Variants in NFE2L1 observed in about 807,000 individuals in gnomAD.
The protein encoded by NFE2L1 is endoplasmic reticulum membrane sensor NFE2L1.
A neutral mutation model predicts 61.6 loss-of-function variants in NFE2L1; 18 were observed. The observed-to-expected ratio is 0.29, with a 90% CI of 0.20 to 0.43. NFE2L1 has a LOEUF of 0.43. NFE2L1 is among the 20% of genes least tolerant of loss of function. The pLI, the probability that NFE2L1 is intolerant of heterozygous loss-of-function variation, is 1.00. For synonymous variants in NFE2L1, 419 were observed against 402.7 expected, an observed-to-expected ratio of 1.04 and a Z score of -0.48; for missense variants, 827 against 973.5, an observed-to-expected ratio of 0.85 and a Z score of 2.00.
At position 48,059,752 on chromosome 17, in the gene NFE2L1, A is replaced by G; in HGVS notation, c.*111A>G. 4 of 1,407,924 alleles carry G rather than the reference A, an allele frequency of 2.8e-6. No homozygotes were observed. Among genetic ancestry groups the G allele is most frequent in the South Asian group, 1.5e-5 (1 of 67,184 alleles). 87.2% of individuals were successfully genotyped at this position (1,407,924 alleles called of 1,614,324 possible). ...GGACTTAAATGCCTTCTTATCCAAT[A>G]TATCTTCTCAGATGGGATGACTGCG... On this transcript the variant is annotated 3_prime_UTR_variant, in exon 6 of 6. Coordinates refer to ENST00000362042, the MANE Select transcript of NFE2L1 (RefSeq NM_003204.3). The surrounding 1 kb of genome is among the most constrained non-coding windows in gnomAD (Gnocchi z 6.1).
chr17:48,049,220 C>G (rs2037178840), intron 1 of NFE2L1: 1 of 152,216 alleles, frequency 6.6e-6, no homozygotes, highest in African/African-American at 2.4e-5. Context: ...AACAGATTTA[C>G]TTCCTCTGCA....
At position 48,061,539 on chromosome 17, in the gene NFE2L1, C is replaced by T. The variant is rs1440467791; in HGVS notation, c.*1898C>T. On this transcript the variant is annotated 3_prime_UTR_variant, in exon 6 of 6. Transcript: ENST00000362042. ...AAATTGAGAATAAAGGAAATGGACT[C>T]ATTGTAGGGAGGACTGGCCATTGCG... 6.6e-6 allele frequency: 1 copy of T among 152,158 alleles called. No homozygotes were observed. The highest frequency in any genetic ancestry group is 1.5e-5 in the Non-Finnish European group (1 of 68,040). 9.4% of individuals were successfully genotyped at this position (152,158 alleles called of 1,614,324 possible). A position where few individuals can be genotyped will look rare whatever the true frequency, so the allele number is the denominator to read the frequency against.
Position 48,056,369 on chromosome 17 carries a change from T to C in NFE2L1, c.511-17T>C, listed in dbSNP as rs2037401359. On this transcript the variant is annotated splice_polypyrimidine_tract_variant and intron_variant, in intron 2 of 5. Coordinates refer to ENST00000362042, the MANE Select transcript of NFE2L1 (RefSeq NM_003204.3). The stretch of plus-strand genomic sequence containing the variant: ...CCTTGGGATCTTAGAGCTAAAGTCA[T>C]GTGATCTGTCTTTCAGGACATAGAT... 1.1e-5 allele frequency: 18 copies of C among 1,613,696 alleles called. No individual in the cohort carries two copies. The highest frequency in any genetic ancestry group is 1.4e-5 in the Non-Finnish European group (17 of 1,179,716).
intron 2 of NFE2L1, chr17:48,055,089 T>A (rs1598286307): frequency 6.8e-7 from 1 of 1,462,074 alleles, no homozygotes; most frequent in Non-Finnish European, 9.0e-7. Context: ...CTTAACTCTT[T>A]GCTGGCTGGT....
chr17:48,055,190 G>A (rs1174894403), intron 2 of NFE2L1: 2 of 1,308,628 alleles, frequency 1.5e-6, no homozygotes, highest in South Asian at 4.1e-5. Context: ...ACGTCTGGGA[G>A]GTCTTAGGGT....
intron 3 of NFE2L1, 72 bp downstream of exon 3, chr17:48,056,670 T>G: frequency 1.3e-6 from 2 of 1,542,060 alleles, no homozygotes; most frequent in South Asian, 2.3e-5. Flanking sequence ...CTGGAGTTCT[T>G]CCAGAAACTT....
rs577125198 is a variant in NFE2L1, at chr17:48,056,603, C to A, written c.723+5C>A. 28 of 1,612,238 alleles carry A rather than the reference C, an allele frequency of 1.7e-5. No individual in the cohort carries two copies. Among genetic ancestry groups the A allele is most frequent in the Non-Finnish European group, 2.4e-5 (28 of 1,179,712 alleles). On this transcript the variant is annotated splice_donor_5th_base_variant and intron_variant, in intron 3 of 5. Transcript: ENST00000362042. ...GGGGAGAGCTTCCCTGCACAGGTACCATCGCCCCTGCTCACTGGGCTCTCT... is the reference window on the plus strand; with the variant it reads ...GGGGAGAGCTTCCCTGCACAGGTACAATCGCCCCTGCTCACTGGGCTCTCT...
At position 48,051,229 on chromosome 17, in the gene NFE2L1, C is replaced by T. The variant is rs1329137610; in HGVS notation, c.111C>T (p.Pro37=). The T allele has an allele frequency of 6.2e-6, 10 of 1,614,064 alleles. No individual in the cohort carries two copies. In the African/African-American group the frequency reaches 1.2e-4, roughly 19 times the overall value. The change falls in exon 2 of 6, where the codon CCC becomes CCT. Residue 37 remains proline (P), a synonymous_variant. Coordinates refer to ENST00000362042, the MANE Select transcript of NFE2L1 (RefSeq NM_003204.3). ...ATACTTACCTGACCTCACAGCTTCCCCCACTCCGGGAGATCATCCTGGGGC... is the reference window on the plus strand; with the variant it reads ...ATACTTACCTGACCTCACAGCTTCCTCCACTCCGGGAGATCATCCTGGGGC... The part of the protein sequence containing the change: ...DVDTYLTSQL[P]PLREIILGPS...
chr17:48,059,467 G>A lies in NFE2L1; in HGVS notation c.2145G>A (p.Gln715=). The A allele has an allele frequency of 1.2e-6, 2 of 1,614,192 alleles. No individual in the cohort carries two copies. The highest frequency in any genetic ancestry group is 1.3e-5 in the African/African-American group (1 of 75,066). The part of the protein sequence containing the change: ...RSLRQMKQKV[Q]SLYQEVFGRL... ...TGCGACAGATGAAGCAGAAGGTCCA[G>A]AGCCTGTACCAGGAGGTGTTTGGGC... Residue 715 remains glutamine, a synonymous_variant, in exon 6 of 6, where the codon CAG becomes CAA. Transcript: ENST00000362042. The surrounding 1 kb of genome is among the most constrained non-coding windows in gnomAD (Gnocchi z 6.1).
chr17:48,058,823 T>G lies in NFE2L1; in HGVS notation c.1501T>G (p.Ser501Ala), dbSNP rs759442964. 5.0e-6 allele frequency: 8 copies of G among 1,613,998 alleles called. No individual in the cohort carries two copies. Among genetic ancestry groups the G allele is most frequent in the Non-Finnish European group, 5.1e-6 (6 of 1,180,002 alleles). ...SSSEGSSSSS[S>A]SSSSSSSSAS... ...CTCTGAAGGCAGTTCTTCCTCTTCT[T>G]CCTCCTCCTCTTCCTCTTCTTCCTC... The change falls in exon 6 of 6, where the codon TCC becomes GCC. Residue 501 changes from serine (S) to alanine (A), a missense_variant. Physicochemically the swap from Ser to Ala is moderately conservative, Grantham distance 99 (BLOSUM62 1). Coordinates refer to ENST00000362042, the MANE Select transcript of NFE2L1 (RefSeq NM_003204.3).
chr17:48,053,218 A>AT (rs1177748714), intron 2 of NFE2L1, among the ~76,000 whole-genome samples: 4 of 151,870 alleles, frequency 2.6e-5, no homozygotes, highest in African/African-American at 9.7e-5. Flanking sequence ...TATTTTGGAT[A>AT]TTATTGGGTG....
Position 48,058,411 on chromosome 17 carries a change from G to T in NFE2L1, c.1089G>T (p.Leu363=), listed in dbSNP as rs907725077. ...CTCCCATCAATCAGAATGTCAGCCT[G>T]CATCAGGCGTCCCTGGGGGGCTGCA... ...PNTPINQNVS[L]HQASLGGCSQ... The change falls in exon 6 of 6, where the codon CTG becomes CTT. Residue 363 remains leucine, a synonymous_variant. Coordinates refer to ENST00000362042, the MANE Select transcript of NFE2L1 (RefSeq NM_003204.3). The T allele has an allele frequency of 1.3e-5, 21 of 1,614,088 alleles. No homozygotes were observed. The highest frequency in any genetic ancestry group is 1.8e-5 in the Non-Finnish European group (21 of 1,180,056).
At chr17:48,053,171 G>A (rs1427625664) in intron 2 of NFE2L1, among the ~76,000 whole-genome samples, 2 of 152,158 alleles carry the variant, frequency 1.3e-5, no homozygotes, top group South Asian at 2.1e-4. Flanking sequence ...ACCCTGCAGG[G>A]TAGCTGCATA....
At chr17:48,054,971 C>T (rs2037356942) in intron 2 of NFE2L1, 2 of 1,481,520 alleles carry the variant, frequency 1.3e-6, no homozygotes, top group African/African-American at 1.4e-5. Flanking sequence ...TTGCAGCCCC[C>T]TGTCCGGCTT....
intron 2 of NFE2L1, among the ~76,000 whole-genome samples, chr17:48,055,388 T>G (rs868152741): frequency 6.6e-6 from 1 of 152,106 alleles, no homozygotes; most frequent in Non-Finnish European, 1.5e-5. Flanking sequence ...GAAGCCCAAA[T>G]AGCTCTATTT....
chr17:48,053,047 A>G (rs374201976), intron 2 of NFE2L1, among the ~76,000 whole-genome samples: 1 of 151,996 alleles, frequency 6.6e-6, no homozygotes, highest in African/African-American at 2.4e-5. Flanking sequence ...CTTTCCTTCA[A>G]GTGGGCTCTA....
At position 48,051,226 on chromosome 17, in the gene NFE2L1, T is replaced by TC; in HGVS notation, c.113dup (p.Leu39ThrfsTer61). 1 of 1,614,086 alleles carries TC rather than the reference T, an allele frequency of 6.2e-7. No individual in the cohort carries two copies. The highest frequency in any genetic ancestry group is 1.1e-5 in the South Asian group (1 of 91,078). ...TGGATACTTACCTGACCTCACAGCT[T>TC]CCCCCACTCCGGGAGATCATCCTGG... On this transcript the variant is annotated frameshift_variant, in exon 2 of 6. Coordinates refer to ENST00000362042, the MANE Select transcript of NFE2L1 (RefSeq NM_003204.3). LOFTEE classifies it high-confidence loss of function.
chr17:48,057,431 C>G lies in NFE2L1; in HGVS notation c.901C>G (p.Leu301Val). 6.2e-7 allele frequency: 1 copy of G among 1,614,240 alleles called. No homozygotes were observed. Among genetic ancestry groups the G allele is most frequent in the South Asian group, 1.1e-5 (1 of 91,088 alleles). The change falls in exon 5 of 6, where the codon CTG (leucine) becomes GTG (valine). Residue 301 changes from leucine (L) to valine (V), a missense_variant. Physicochemically the swap from Leu to Val is conservative, Grantham distance 32 (BLOSUM62 1). Around this residue, in one of 3 missense-constraint regions of NFE2L1, gnomAD observed 667 missense variants for 748.4 expected, o/e 0.89. Coordinates refer to ENST00000362042, the MANE Select transcript of NFE2L1 (RefSeq NM_003204.3). ...ALQNNLLSPL[L>V]TGTESPFDLE... ...TCAAAACAACCTCTTGTCTCCTCTT[C>G]TGACCGGGACAGAGTCACCATTTGA...
rs1372204330 is a variant in NFE2L1 at position 48,061,527 on chromosome 17, A to G, written c.*1886A>G. ...CACTTTGAATTTAAATTGAGAATAAAGGAAATGGACTCATTGTAGGGAGGA... is the reference window on the plus strand; with the variant it reads ...CACTTTGAATTTAAATTGAGAATAAGGGAAATGGACTCATTGTAGGGAGGA... On this transcript the variant is annotated 3_prime_UTR_variant, in exon 6 of 6. Coordinates refer to ENST00000362042, the MANE Select transcript of NFE2L1 (RefSeq NM_003204.3). The G allele has an allele frequency of 2.0e-5, 3 of 152,194 alleles. No homozygotes were observed. Among genetic ancestry groups the G allele is most frequent in the Non-Finnish European group, 4.4e-5 (3 of 68,024 alleles). 9.4% of individuals were successfully genotyped at this position (152,194 alleles called of 1,614,324 possible).
Sources: gnomAD v4.1 joint callset for allele counts (sites outside exome capture counted in the v4.1 genomes callset) on GRCh38, gnomAD v4.1.1 for gene constraint, gnomAD v4.1.1 regional missense constraint, Gnocchi (gnomAD v3.1) non-coding constraint, MANE v1.5 for transcripts, NCBI Gene and HGNC (gene_info 2026-07-23, HGNC 2026-07-21) for gene names.